The following ZFX variants were observed in gnomAD, a reference collection of about 807,000 sequenced individuals.
The protein encoded by ZFX is zinc finger protein X-linked.
For missense variants in ZFX, 362 were observed against 628.3 expected, an observed-to-expected ratio of 0.58 and a Z score of 4.53; for synonymous variants, 196 against 226.8, an observed-to-expected ratio of 0.86 and a Z score of 1.22.
chrX:24,163,378 T>TG, intron 3 of ZFX, among the ~76,000 whole-genome samples: 1 of 66,771 alleles, frequency 1.5e-5, no homozygotes, highest in Non-Finnish European at 2.8e-5. Context: ...TTTTTTTTTT[T>TG]TTTTTTTTTT....
Position 24,214,797 on chromosome X carries a change from GTTCAT to G in ZFX, c.*3426_*3430del, listed in dbSNP as rs1410924223. ...AAAGTGGTTTTTGAGAGCACTTAAAGTTCATTTCAGTATTAATTTACAGCATATTT... is the reference window on the plus strand; with the variant it reads ...AAAGTGGTTTTTGAGAGCACTTAAAGTTCAGTATTAATTTACAGCATATTT... On this transcript the variant is annotated 3_prime_UTR_variant, in exon 10 of 10. Transcript: ENST00000304543. 8.9e-6 allele frequency: 1 copy of G among 111,828 alleles called. No individual in the cohort carries two copies. Among genetic ancestry groups the G allele is most frequent in the Non-Finnish European group, 1.9e-5 (1 of 53,219 alleles). 9.2% of individuals were successfully genotyped at this position (111,828 alleles called of 1,213,427 possible). A position where few individuals can be genotyped will look rare whatever the true frequency, so the allele number is the denominator to read the frequency against.
intron 5 of ZFX, among the ~76,000 whole-genome samples, chrX:24,198,005 C>T (rs1367818925): frequency 4.5e-5 from 5 of 110,888 alleles, no homozygotes; most frequent in African/African-American, 1.6e-4. Flanking sequence ...AGAAAGAACC[C>T]TAGAATGGAG....
intron 3 of ZFX, among the ~76,000 whole-genome samples, chrX:24,164,846 A>G (rs902432786): frequency 9.2e-6 from 1 of 108,794 alleles, no homozygotes; most frequent in African/African-American, 3.4e-5. Context: ...AGGCTGAGGT[A>G]GGAGAATTGC....
At chrX:24,170,354 G>T (rs999303901) in intron 3 of ZFX, among the ~76,000 whole-genome samples, 2 of 108,471 alleles carry the variant, frequency 1.8e-5, no homozygotes, top group East Asian at 2.9e-4. Context: ...ATGGGGTTGC[G>T]CCATGTTGGC....
At chrX:24,177,560 A>G (rs974987349) in intron 4 of ZFX, 8 of 286,845 alleles carry the variant, frequency 2.8e-5, no homozygotes, top group African/African-American at 2.3e-4. Flanking sequence ...CCACCACTCC[A>G]GCGCAGCTGC....
chrX:24,203,603 C>T (rs920380363), intron 5 of ZFX, among the ~76,000 whole-genome samples: 10 of 112,551 alleles, frequency 8.9e-5, no homozygotes, highest in Admixed American at 7.5e-4. Context: ...AGGATAAAGT[C>T]GGAGCCCTTC....
intron 5 of ZFX, among the ~76,000 whole-genome samples, chrX:24,183,946 G>A (rs754568741): frequency 1.8e-5 from 2 of 109,445 alleles, no homozygotes; most frequent in East Asian, 2.9e-4. Flanking sequence ...TAGTAGAGAC[G>A]GGGTTTTGCC....
chrX:24,208,303 G>A lies in ZFX; in HGVS notation c.1026G>A (p.Val342=). ...DAAAAAAAAA[V]HEQQMDDNEI... ...CAGCAGCAGCGGCAGCCGCCGCCGT[G>A]CACGAGCAGCAAATGGATGACAATG... Residue 342 remains valine (V), a synonymous_variant, in exon 8 of 10, where the codon GTG becomes GTA. Transcript: ENST00000304543. 8.3e-7 allele frequency: 1 copy of A among 1,210,680 alleles called. No homozygotes were observed. The highest frequency in any genetic ancestry group is 3.0e-5 in the East Asian group (1 of 33,820).
At chrX:24,164,404 G>A (rs981671682) in intron 3 of ZFX, among the ~76,000 whole-genome samples, 2 of 111,845 alleles carry the variant, frequency 1.8e-5, no homozygotes, top group African/African-American at 6.5e-5. Flanking sequence ...GTTGTTGAAA[G>A]GCCCAGTGTT....
At chrX:24,175,327 A>C (rs1442347825) in intron 4 of ZFX, 1 of 112,020 alleles carries the variant, frequency 8.9e-6, no homozygotes, top group Admixed American at 9.5e-5. Flanking sequence ...TGAGCAAGTC[A>C]CTTAATCTGC....
intron 5 of ZFX, among the ~76,000 whole-genome samples, chrX:24,193,029 G>A (rs1936648438): frequency 9.0e-6 from 1 of 110,911 alleles, no homozygotes. Context: ...CAAAGGCTTA[G>A]TACTTCCATG....
At chrX:24,195,155 A>G (rs1357986960) in intron 5 of ZFX, among the ~76,000 whole-genome samples, 4 of 111,578 alleles carry the variant, frequency 3.6e-5, no homozygotes, top group Non-Finnish European at 1.9e-5. Context: ...TCTTTCAGCT[A>G]TTTCTAATGG....
intron 5 of ZFX, among the ~76,000 whole-genome samples, chrX:24,190,161 G>A (rs1936438116): frequency 9.0e-6 from 1 of 111,554 alleles, no homozygotes; most frequent in Admixed American, 9.6e-5. Flanking sequence ...TGTATGTGTT[G>A]TGGAATGGCT....
chrX:24,200,338 G>C (rs1441849496), intron 5 of ZFX, among the ~76,000 whole-genome samples: 2 of 111,597 alleles, frequency 1.8e-5, no homozygotes, highest in Non-Finnish European at 3.8e-5. Context: ...TGCTGGGTGT[G>C]TGTTTGTGTT....
In ZFX at chrX:24,151,274, G is replaced by A. The variant is rs545885161; in HGVS notation, c.-249-417G>A. ...TCATGTTTAGAGGTAGGTGGGGCAA[G>A]GTGAAATGCAGTAAAGTGAGAGGTA... On this transcript the variant is annotated intron_variant, in intron 1 of 9. Transcript: ENST00000304543. 4.6e-4 allele frequency among the ~76,000 whole-genome samples: 52 copies of A among 111,956 alleles called. No individual in the cohort carries two copies. The South Asian group carries it at 0.017, about 37-fold the overall frequency.
chrX:24,166,433 C>T lies in ZFX; in HGVS notation c.-28-6282C>T, dbSNP rs1042815972. ...AGATATTTTCTTTTCCTCTTCTTGA[C>T]GTGGAGTAGGCAGGGCTATTTGAAA... On this transcript the variant is annotated intron_variant, in intron 3 of 9. Coordinates refer to ENST00000304543, the MANE Select transcript of ZFX (RefSeq NM_003410.4). Among the ~76,000 whole-genome samples the T allele has an allele frequency of 6.2e-5, 7 of 112,037 alleles. 1 individual carries two copies. The highest frequency in any genetic ancestry group is 1.3e-4 in the Non-Finnish European group (7 of 53,232).
intron 5 of ZFX, among the ~76,000 whole-genome samples, chrX:24,190,113 G>A (rs1216092864): frequency 9.0e-6 from 1 of 111,308 alleles, no homozygotes; most frequent in African/African-American, 3.3e-5. Context: ...AGTAAAAATG[G>A]TATATATTTA....
intron 5 of ZFX, among the ~76,000 whole-genome samples, chrX:24,199,308 GCAGTGGCACAATC>G (rs927746679): frequency 1.8e-5 from 2 of 109,130 alleles, no homozygotes; most frequent in African/African-American, 6.7e-5. Flanking sequence ...AGGCCGAAGT[GCAGTGGCACAATC>G]ACAGCTCACT....
chrX:24,176,799 T>C (rs945413126), intron 4 of ZFX, among the ~76,000 whole-genome samples: 5 of 111,600 alleles, frequency 4.5e-5, no homozygotes, highest in African/African-American at 1.6e-4. Flanking sequence ...CACATAGTCA[T>C]TGAGTTAGGC....
Sources: gnomAD v4.1 joint callset for allele counts (sites outside exome capture counted in the v4.1 genomes callset) on GRCh38, gnomAD v4.1.1 for gene constraint, MANE v1.5 for transcripts, NCBI Gene and HGNC (gene_info 2026-07-23, HGNC 2026-07-21) for gene names.